Variants in EGFR observed in about 807,000 individuals in gnomAD.
The protein encoded by EGFR is avian erythroblastic leukemia viral (v-erb-b) oncogene homolog.
Under a neutral mutation model 143.0 loss-of-function variants are expected in EGFR, and 58 were observed. The ratio of observed to expected loss-of-function variants is 0.41; its 90% CI spans 0.33 to 0.50. EGFR has a LOEUF of 0.50. Ranked by LOEUF, EGFR falls within the 20% of genes least tolerant of loss-of-function variation. The probability of loss-of-function intolerance (pLI) is 0.39; values close to 1 mark genes in which losing one functional copy is unlikely to be tolerated. For synonymous variants in EGFR, 613 were observed against 594.4 expected, an observed-to-expected ratio of 1.03 and a Z score of -0.45; for missense variants, 1,307 against 1,579.0, an observed-to-expected ratio of 0.83 and a Z score of 2.92.
At chr7:55,102,195 C>G (rs1791874736) in intron 1 of EGFR, among the ~76,000 whole-genome samples, 1 of 152,182 alleles carries the variant, frequency 6.6e-6, no homozygotes, top group African/African-American at 2.4e-5. Context: ...GCCTCAGCTC[C>G]CCACTCCCAC....
intron 1 of EGFR, among the ~76,000 whole-genome samples, chr7:55,035,493 C>G (rs1171378039): frequency 1.4e-5 from 2 of 140,632 alleles, no homozygotes; most frequent in Non-Finnish European, 3.0e-5. Flanking sequence ...GCCAACATAG[C>G]AAAACCCCGT....
chr7:55,046,812 G>T (rs1042588646), intron 1 of EGFR, among the ~76,000 whole-genome samples: 1 of 152,104 alleles, frequency 6.6e-6, no homozygotes, highest in African/African-American at 2.4e-5. Flanking sequence ...CTGTCACAAT[G>T]GCAATTAGAT....
intron 1 of EGFR, among the ~76,000 whole-genome samples, chr7:55,100,690 G>A (rs1001804298): frequency 6.6e-6 from 1 of 152,182 alleles, no homozygotes; most frequent in Non-Finnish European, 1.5e-5. Context: ...TCCACACGCC[G>A]TCCTTGGGGT....
chr7:55,182,051 C>T (rs1184517274), intron 20 of EGFR: 1 of 171,614 alleles, frequency 5.8e-6, no homozygotes, highest in Non-Finnish European at 1.3e-5. Context: ...TCAGGTAGCC[C>T]TGCCTGGGTG....
At chr7:55,129,603 T>C (rs1793720434) in intron 1 of EGFR, among the ~76,000 whole-genome samples, 2 of 152,090 alleles carry the variant, frequency 1.3e-5, no homozygotes, top group Admixed American at 1.3e-4. Flanking sequence ...AGTATCCCAA[T>C]CTAGAAGTAA....
intron 20 of EGFR, among the ~76,000 whole-genome samples, chr7:55,184,672 G>C (rs1218804208): frequency 6.6e-6 from 1 of 152,146 alleles, no homozygotes; most frequent in Non-Finnish European, 1.5e-5. Context: ...GTTGTACTTT[G>C]ATTAGCTTTA....
intron 1 of EGFR, among the ~76,000 whole-genome samples, chr7:55,034,197 G>T (rs1000940838): frequency 1.3e-5 from 2 of 152,132 alleles, no homozygotes; most frequent in African/African-American, 4.8e-5. Flanking sequence ...GAATGGATTT[G>T]TATTCCCCCT....
Position 55,210,768 on chromosome 7 carries a change from G to A in EGFR, c.*5151G>A, listed in dbSNP as rs1177716598. ...CAGACACCTCTTTCCATTTCCTAAG[G>A]TTTCTCTCTTTATTAAGGGTGGACT... On this transcript the variant is annotated 3_prime_UTR_variant, in exon 28 of 28. Transcript: ENST00000275493. 2.6e-5 allele frequency: 4 copies of A among 152,162 alleles called. No individual in the cohort carries two copies. The highest frequency in any genetic ancestry group is 9.7e-5 in the African/African-American group (4 of 41,424). 9.4% of individuals were successfully genotyped at this position (152,162 alleles called of 1,614,324 possible). A position where few individuals can be genotyped will look rare whatever the true frequency, so the allele number is the denominator to read the frequency against.
chr7:55,117,931 C>A (rs1792968596), intron 1 of EGFR, among the ~76,000 whole-genome samples: 1 of 152,260 alleles, frequency 6.6e-6, no homozygotes, highest in South Asian at 2.1e-4. Context: ...TTGAGACATG[C>A]ACCTGTGCAG....
Position 55,125,749 on chromosome 7 carries a change from G to A in EGFR, c.89-16537G>A, listed in dbSNP as rs181825170. Among the ~76,000 whole-genome samples, 189 of 152,336 alleles carry A rather than the reference G, an allele frequency of 1.2e-3. 1 individual carries two copies. The highest frequency in any genetic ancestry group is 4.1e-3 in the African/African-American group (171 of 41,572). ...CAGGCGAAGTCCAGAGCACCTGTGC[G>A]CTACAGGGCCCCTTGCACTGTGCTG... On this transcript the variant is annotated intron_variant, in intron 1 of 27. Transcript: ENST00000275493.
intron 1 of EGFR, among the ~76,000 whole-genome samples, chr7:55,020,845 TG>T (rs1327015241): frequency 4.0e-5 from 6 of 150,978 alleles, no homozygotes; most frequent in African/African-American, 7.3e-5. Flanking sequence ...CATAGAACAG[TG>T]GTTCCCAGAC....
chr7:55,182,198 C>T (rs17290468), intron 20 of EGFR: 3,100 of 154,614 alleles, frequency 0.02, 98 homozygotes, highest in African/African-American at 0.071. Flanking sequence ...TTGCTAAGTC[C>T]TATTTTTTTC....
chr7:55,185,669 T>C (rs1183901138), intron 20 of EGFR, among the ~76,000 whole-genome samples: 1 of 152,232 alleles, frequency 6.6e-6, no homozygotes, highest in Non-Finnish European at 1.5e-5. Context: ...CAGACACTGA[T>C]GTGGTTCTGT....
chr7:55,191,997 C>G (rs760368480), intron 21 of EGFR, 123 bp downstream of exon 21: 2 of 1,445,614 alleles, frequency 1.4e-6, no homozygotes, highest in African/African-American at 2.8e-5. Context: ...TGGGTGAGCT[C>G]GCAGCAGCTG....
chr7:55,200,572 C>A lies in EGFR; in HGVS notation c.2946+159C>A, dbSNP rs949493496. 3 of 743,088 alleles carry A rather than the reference C, an allele frequency of 4.0e-6. No individual in the cohort carries two copies. In the African/African-American group the frequency reaches 5.2e-5, roughly 13 times the overall value. The allele number at this position is 743,088 out of a possible 1,614,324, so 46.0% of individuals were successfully genotyped here. On this transcript the variant is annotated intron_variant, in intron 24 of 27. Transcript: ENST00000275493. ...GCAAGCCTCAGTAAGGCGCAGGCCACATCGTGAACTAAGCAGCATCCGTGA... is the reference window on the plus strand; with the variant it reads ...GCAAGCCTCAGTAAGGCGCAGGCCAAATCGTGAACTAAGCAGCATCCGTGA...
In EGFR at chr7:55,120,133, T is replaced by C. The variant is rs1584090023; in HGVS notation, c.89-22153T>C. The stretch of plus-strand genomic sequence containing the variant: ...GGACAAGCTACTCTTTTTCAGTGTT[T>C]CTGTTGCATCGCTGTGTCTCTCTGT... On this transcript the variant is annotated intron_variant, in intron 1 of 27. Transcript: ENST00000275493. Among the ~76,000 whole-genome samples, 11 of 152,342 alleles carry C rather than the reference T, an allele frequency of 7.2e-5. No individual in the cohort carries two copies. The South Asian group carries it at 2.3e-3, about 32-fold the overall frequency.
At chr7:55,118,299 G>A (rs765878169) in intron 1 of EGFR, among the ~76,000 whole-genome samples, 86 of 152,138 alleles carry the variant, frequency 5.7e-4, no homozygotes, top group Non-Finnish European at 5.9e-5. Context: ...AGATGGTCAG[G>A]CCCTCCTAGA....
chr7:55,192,754 C>T lies in EGFR; in HGVS notation c.2626-12C>T, dbSNP rs775878427. On this transcript the variant is annotated splice_polypyrimidine_tract_variant and intron_variant, in intron 21 of 27. Transcript: ENST00000275493. ...ATAGTTGTCTCACTGCCTCATCTCT[C>T]ACCATCCCAAGGTGCCTATCAAGTG... is the stretch of plus-strand genomic sequence containing the variant. 1.9e-6 allele frequency: 3 copies of T among 1,613,308 alleles called. No individual in the cohort carries two copies. The highest frequency in any genetic ancestry group is 2.5e-6 in the Non-Finnish European group (3 of 1,179,348).
chr7:55,034,644 C>A (rs74581689), intron 1 of EGFR, among the ~76,000 whole-genome samples: 3 of 152,150 alleles, frequency 2.0e-5, no homozygotes, highest in Admixed American at 1.3e-4. Flanking sequence ...AAAAATGCGC[C>A]AACCATCTGT....
Sources: allele counts gnomAD v4.1 joint callset (sites outside exome capture counted in the v4.1 genomes callset), GRCh38; gene constraint gnomAD v4.1.1; transcripts MANE v1.5; gene names NCBI Gene and HGNC (gene_info 2026-07-23, HGNC 2026-07-21).